LRRC20: variants seen among roughly 807,000 people sequenced by gnomAD.
The protein encoded by LRRC20 is leucine-rich repeat-containing protein 20.
In LRRC20, 11 loss-of-function variants were observed where a neutral mutation model predicts 14.4. That is an observed-to-expected ratio of 0.77 (90% CI 0.48 to 1.27). The LOEUF is 1.27. LRRC20 is among the 50% of genes most tolerant of loss of function. The pLI is 0.00. For synonymous variants in LRRC20, 121 were observed against 107.3 expected (o/e 1.13, Z -0.79); for missense variants, 219 against 251.2 (o/e 0.87, Z 0.87).
At chr10:70,351,284 T>G (rs1843297336) in intron 2 of LRRC20, among the ~76,000 whole-genome samples, 1 of 152,200 alleles carries the variant, frequency 6.6e-6, no homozygotes, top group Non-Finnish European at 1.5e-5. Context: ...CCATGAAATT[T>G]GTTTTTAACA....
Position 70,358,572 on chromosome 10 carries a change from G to C in LRRC20, c.83-17870C>G, listed in dbSNP as rs79311154. ...GCAGCAACAAATGTCGCCAACCAGT[G>C]CCTTGTGCACCACGTCTGCCCCAGA... On this transcript the variant is annotated intron_variant, in intron 2 of 4. Coordinates refer to ENST00000446961, the MANE Select transcript of LRRC20 (RefSeq NM_001278212.2). Among the ~76,000 whole-genome samples, 129 of 152,328 alleles carry C rather than the reference G, an allele frequency of 8.5e-4. 3 individuals carry two copies. In the East Asian group the frequency reaches 0.023, roughly 27 times the overall value.
At chr10:70,305,895 C>T (rs1238654437) in intron 4 of LRRC20, among the ~76,000 whole-genome samples, 1 of 152,042 alleles carries the variant, frequency 6.6e-6, no homozygotes, top group Admixed American at 6.5e-5. Flanking sequence ...TGCCCGCCAC[C>T]ACGCCCGGCT....
chr10:70,320,425 T>C (rs981536947), intron 4 of LRRC20, among the ~76,000 whole-genome samples: 2 of 152,224 alleles, frequency 1.3e-5, no homozygotes, highest in African/African-American at 4.8e-5. Context: ...TGATGTACTC[T>C]GACATTTTCT....
intron 2 of LRRC20, among the ~76,000 whole-genome samples, chr10:70,349,502 G>A (rs1206757583): frequency 6.6e-6 from 1 of 152,062 alleles, no homozygotes. Context: ...TGCTTGAACC[G>A]AGGAGGCAGA....
At chr10:70,344,438 G>T (rs182598089) in intron 2 of LRRC20, among the ~76,000 whole-genome samples, 1 of 152,158 alleles carries the variant, frequency 6.6e-6, no homozygotes, top group Non-Finnish European at 1.5e-5. Flanking sequence ...CTATGCACCA[G>T]CAAGAAAATA....
intron 3 of LRRC20, among the ~76,000 whole-genome samples, chr10:70,338,235 G>C (rs1842780863): frequency 6.6e-6 from 1 of 152,088 alleles, no homozygotes; most frequent in Non-Finnish European, 1.5e-5. Context: ...GCCTTTCCAA[G>C]TCCTGCCTGT....
Position 70,372,035 on chromosome 10 carries a change from C to T in LRRC20, c.82+4417G>A, listed in dbSNP as rs1293464960. On this transcript the variant is annotated intron_variant, in intron 2 of 4. Coordinates refer to ENST00000446961, the MANE Select transcript of LRRC20 (RefSeq NM_001278212.2). Reference sequence around the variant, plus strand: ...CCCAGTCTCTACAGGGGATCTCCCACTCTGCAGCAGCACCTGTGGCTCTGG... The same window carrying T: ...CCCAGTCTCTACAGGGGATCTCCCATTCTGCAGCAGCACCTGTGGCTCTGG... Among the ~76,000 whole-genome samples the T allele has an allele frequency of 2.6e-5, 4 of 152,088 alleles. No homozygotes were observed. In the East Asian group the frequency reaches 7.7e-4, roughly 29 times the overall value.
At chr10:70,328,927 T>C (rs1273504249) in intron 3 of LRRC20, among the ~76,000 whole-genome samples, 3 of 152,256 alleles carry the variant, frequency 2.0e-5, no homozygotes, top group Non-Finnish European at 2.9e-5. Context: ...CTCTTAGAGA[T>C]AGAAGACACA....
intron 2 of LRRC20, among the ~76,000 whole-genome samples, chr10:70,368,007 G>GTTATGTTATGCTATGCTATGTTATGTTAT (rs1262121989): frequency 6.7e-6 from 1 of 150,022 alleles, no homozygotes; most frequent in African/African-American, 2.5e-5. Context: ...TTTTTGAGAT[G>GTTATGTTATGCTATGCTATGTTATGTTAT]GAGTCTCGCT....
intron 2 of LRRC20, among the ~76,000 whole-genome samples, chr10:70,363,053 T>C (rs542015308): frequency 9.2e-5 from 14 of 151,750 alleles, no homozygotes; most frequent in African/African-American, 3.4e-4. Flanking sequence ...GGAGGATCAC[T>C]TGAGCCCAGG....
chr10:70,323,777 C>A, intron 4 of LRRC20, 86 bp downstream of exon 4: 1 of 1,450,738 alleles, frequency 6.9e-7, no homozygotes, highest in Non-Finnish European at 9.5e-7. Context: ...GCTTCTCCTC[C>A]CACCTGTGAA....
At chr10:70,325,877 A>C (rs1842296614) in intron 3 of LRRC20, among the ~76,000 whole-genome samples, 1 of 152,160 alleles carries the variant, frequency 6.6e-6, no homozygotes, top group African/African-American at 2.4e-5. Context: ...GCACCTCCCG[A>C]GAAAATAAGC....
chr10:70,357,170 A>G (rs1843557124), intron 2 of LRRC20, among the ~76,000 whole-genome samples: 1 of 152,236 alleles, frequency 6.6e-6, no homozygotes, highest in Non-Finnish European at 1.5e-5. Flanking sequence ...TAGAGACAGA[A>G]AGTAGACTGG....
At chr10:70,360,236 T>A (rs1413292653) in intron 2 of LRRC20, among the ~76,000 whole-genome samples, 1 of 152,192 alleles carries the variant, frequency 6.6e-6, no homozygotes, top group African/African-American at 2.4e-5. Context: ...TTTTTGTTTT[T>A]ACTAGAGATG....
chr10:70,347,222 G>A (rs895422691), intron 2 of LRRC20, among the ~76,000 whole-genome samples: 5 of 152,106 alleles, frequency 3.3e-5, no homozygotes, highest in African/African-American at 9.7e-5. Context: ...CCAGCTCTTC[G>A]TCAGTGAGGG....
At chr10:70,330,707 G>C (rs1842504572) in intron 3 of LRRC20, among the ~76,000 whole-genome samples, 2 of 152,210 alleles carry the variant, frequency 1.3e-5, no homozygotes, top group Admixed American at 6.5e-5. Flanking sequence ...GCACCGGCAA[G>C]AGAGCAAGTT....
At chr10:70,344,221 AAAAAG>A (rs772622770) in intron 2 of LRRC20, among the ~76,000 whole-genome samples, 3 of 152,286 alleles carry the variant, frequency 2.0e-5, no homozygotes, top group Non-Finnish European at 4.4e-5. Flanking sequence ...AGAAAATAAA[AAAAAG>A]AAAAGAAAAG....
intron 2 of LRRC20, among the ~76,000 whole-genome samples, chr10:70,368,007 G>GTTATGTTATGTTATGTTATGT (rs1262121989): frequency 6.7e-6 from 1 of 150,022 alleles, no homozygotes; most frequent in Non-Finnish European, 1.5e-5. Context: ...TTTTTGAGAT[G>GTTATGTTATGTTATGTTATGT]GAGTCTCGCT....
chr10:70,357,803 C>T (rs1420987332), intron 2 of LRRC20, among the ~76,000 whole-genome samples: 4 of 152,194 alleles, frequency 2.6e-5, no homozygotes, highest in African/African-American at 4.8e-5. Flanking sequence ...ACTGATGACT[C>T]ATCACAAACG....
Sources: allele counts gnomAD v4.1 joint callset (sites outside exome capture counted in the v4.1 genomes callset), GRCh38; gene constraint gnomAD v4.1.1; transcripts MANE v1.5; gene names NCBI Gene and HGNC (gene_info 2026-07-23, HGNC 2026-07-21).